The following SYNPO2 variants were observed in gnomAD, a reference collection of about 807,000 sequenced individuals.
SYNPO2 encodes the protein synaptopodin-2.
SYNPO2 carries 56 observed loss-of-function variants against 85.0 expected under a neutral mutation model. The observed-to-expected ratio is 0.66, with a 90% confidence interval of 0.53 to 0.82. The LOEUF is 0.82. Ranked by LOEUF, SYNPO2 falls within the 40% of genes least tolerant of loss-of-function variation. SYNPO2 has a pLI of 0.00. For synonymous variants in SYNPO2, 602 were observed against 591.1 expected (o/e 1.02, Z -0.27); for missense variants, 1,575 against 1,534.2 (o/e 1.03, Z -0.44).
intron 3 of SYNPO2, 29 bp downstream of exon 3, chr4:119,027,467 G>C: frequency 6.6e-7 from 1 of 1,521,290 alleles, no homozygotes; most frequent in Non-Finnish European, 8.8e-7. Flanking sequence ...TTCAGAAGGG[G>C]CTTGGGAGTT....
Position 119,030,971 on chromosome 4 carries a change from A to T in SYNPO2, c.2196A>T (p.Glu732Asp), listed in dbSNP as rs763005134. ...GAGCTGGAGGTGATTCCGGACCGGAAGAAGACTACCTCAGCTTGGGGGCAG... is the reference window on the plus strand; with the variant it reads ...GAGCTGGAGGTGATTCCGGACCGGATGAAGACTACCTCAGCTTGGGGGCAG... ...GTGAGGDSGP[E>D]EDYLSLGAEA... Residue 732 changes from glutamate to aspartate, a missense_variant, in exon 4 of 5, where the codon GAA becomes GAT. Glu to Asp is a conservative substitution (Grantham distance 45, BLOSUM62 2). Coordinates refer to ENST00000307142, the MANE Select transcript of SYNPO2 (RefSeq NM_133477.3). 7.4e-6 allele frequency: 12 copies of T among 1,614,086 alleles called. No individual in the cohort carries two copies. Among genetic ancestry groups the T allele is most frequent in the Non-Finnish European group, 1.0e-5 (12 of 1,180,036 alleles).
rs758744888 is a variant in SYNPO2 at position 119,030,463 on chromosome 4, A to G, written c.1688A>G (p.His563Arg). 7.4e-6 allele frequency: 12 copies of G among 1,614,188 alleles called. No homozygotes were observed. In the African/African-American group the frequency reaches 1.1e-4, roughly 14 times the overall value. Residue 563 changes from histidine to arginine, a missense_variant, in exon 4 of 5, where the codon CAT becomes CGT. His to Arg is a conservative substitution (Grantham distance 29). This residue lies in a region of SYNPO2 where 1,508 missense variants were observed against 1,446.8 expected (regional missense o/e 1.04). Coordinates refer to ENST00000307142, the MANE Select transcript of SYNPO2 (RefSeq NM_133477.3). The stretch of plus-strand genomic sequence containing the variant: ...ATCGAGGTGAGTCATGGTCTTGGCC[A>G]TGTTCCCCAACAGAATGGCTTCAGT... ...SYIEVSHGLGHVPQQNGFSGT... is the reference protein window; with the variant it reads ...SYIEVSHGLGRVPQQNGFSGT...
At chr4:118,989,137 G>A (rs1049490079) in intron 1 of SYNPO2, among the ~76,000 whole-genome samples, 1 of 152,220 alleles carries the variant, frequency 6.6e-6, no homozygotes, top group African/African-American at 2.4e-5. Flanking sequence ...CAGGGCAGTT[G>A]ACTTGGGAAA....
In SYNPO2 at chr4:119,059,020, A is replaced by C. The variant is rs2149203394; in HGVS notation, c.*1086A>C. 6.6e-6 allele frequency: 1 copy of C among 152,326 alleles called. No individual in the cohort carries two copies. The highest frequency in any genetic ancestry group is 1.5e-5 in the Non-Finnish European group (1 of 68,026). 9.4% of individuals were successfully genotyped at this position (152,326 alleles called of 1,614,324 possible). On this transcript the variant is annotated 3_prime_UTR_variant, in exon 5 of 5. Coordinates refer to ENST00000307142, the MANE Select transcript of SYNPO2 (RefSeq NM_133477.3). ...AGAAGATTGGATTATCTAATCTTTT[A>C]GATCCTTAACAACTCTGATATTCTG...
intron 1 of SYNPO2, among the ~76,000 whole-genome samples, chr4:118,974,238 A>G (rs1735643334): frequency 6.6e-6 from 1 of 152,362 alleles, no homozygotes; most frequent in Non-Finnish European, 1.5e-5. Context: ...GGGATGAGAT[A>G]GAAAATCTCA....
intron 1 of SYNPO2, among the ~76,000 whole-genome samples, chr4:118,999,216 A>ATGCC (rs1469931468): frequency 6.6e-6 from 1 of 152,110 alleles, no homozygotes; most frequent in Non-Finnish European, 1.5e-5. Context: ...TGGCACCACC[A>ATGCC]TGGCTCACCG....
chr4:119,038,189 T>G lies in SYNPO2; in HGVS notation c.3252+6162T>G, dbSNP rs896314177. 2.5e-5 allele frequency: 25 copies of G among 985,302 alleles called. No homozygotes were observed. The Admixed American group carries it at 4.9e-4, about 19-fold the overall frequency. The allele number at this position is 985,302 out of a possible 1,614,324, so 61.0% of individuals were successfully genotyped here. A position where few individuals can be genotyped will look rare whatever the true frequency, so the allele number is the denominator to read the frequency against. On this transcript the variant is annotated intron_variant, in intron 4 of 4. Coordinates refer to ENST00000307142, the MANE Select transcript of SYNPO2 (RefSeq NM_133477.3). ...AATTTCACTCCCTGAGACTGCTTAATTGTGAATTTCCCAAACTGATTCACC... is the reference window on the plus strand; with the variant it reads ...AATTTCACTCCCTGAGACTGCTTAAGTGTGAATTTCCCAAACTGATTCACC...
At chr4:119,037,015 T>C (rs2149194912) in intron 4 of SYNPO2, 1 of 1,368,422 alleles carries the variant, frequency 7.3e-7, no homozygotes. Flanking sequence ...ATTTTTCTAA[T>C]TTTTATTTTT....
chr4:118,920,156 G>A (rs1054841054), intron 1 of SYNPO2, among the ~76,000 whole-genome samples: 12 of 152,154 alleles, frequency 7.9e-5, no homozygotes, highest in Non-Finnish European at 2.9e-5. Context: ...AGGCAATGAA[G>A]GAGAAAGAGG....
intron 1 of SYNPO2, among the ~76,000 whole-genome samples, chr4:118,851,941 A>G (rs1364932034): frequency 6.6e-6 from 1 of 152,204 alleles, no homozygotes; most frequent in Non-Finnish European, 1.5e-5. Flanking sequence ...ACCAAAACTC[A>G]GCAAGAGTTT....
intron 1 of SYNPO2, among the ~76,000 whole-genome samples, chr4:118,856,650 A>G (rs1396600745): frequency 6.6e-6 from 1 of 151,990 alleles, no homozygotes; most frequent in African/African-American, 2.4e-5. Context: ...AGTAGCTGGG[A>G]CCACAGGCAC....
At chr4:119,042,047 T>C (rs1320959143) in intron 4 of SYNPO2, 1 of 152,002 alleles carries the variant, frequency 6.6e-6, no homozygotes, top group African/African-American at 2.4e-5. Context: ...GCCAGACTTG[T>C]AAACTGCACC....
intron 1 of SYNPO2, among the ~76,000 whole-genome samples, chr4:118,921,118 G>A (rs895619000): frequency 6.6e-6 from 1 of 152,030 alleles, no homozygotes; most frequent in African/African-American, 2.4e-5. Context: ...TGTTGTCCAG[G>A]CTGGTCTTGA....
intron 1 of SYNPO2, among the ~76,000 whole-genome samples, chr4:118,949,850 G>T (rs1469498187): frequency 6.6e-6 from 1 of 152,064 alleles, no homozygotes; most frequent in African/African-American, 2.4e-5. Context: ...TCATTACCCT[G>T]CACTTTTTTT....
chr4:118,889,846 T>C lies in SYNPO2; in HGVS notation c.105+705T>C, dbSNP rs1732304285. On this transcript the variant is annotated intron_variant, in intron 1 of 4. Transcript: ENST00000307142. ...TAATAACTATTTAAAATGCTTTAAG[T>C]TTTTATTGCCATTAGATTGCCTGCA... Among the ~76,000 whole-genome samples, 4 of 152,328 alleles carry C rather than the reference T, an allele frequency of 2.6e-5. No homozygotes were observed. The South Asian group carries it at 8.3e-4, about 32-fold the overall frequency.
intron 1 of SYNPO2, among the ~76,000 whole-genome samples, chr4:118,878,869 C>T (rs575640090): frequency 1.1e-3 from 172 of 152,294 alleles, no homozygotes; most frequent in South Asian, 1.5e-3. Context: ...CACTCAGGTC[C>T]TTTTCTGTCT....
At chr4:118,960,830 C>T (rs1004754745) in intron 1 of SYNPO2, among the ~76,000 whole-genome samples, 7 of 152,134 alleles carry the variant, frequency 4.6e-5, no homozygotes, top group African/African-American at 1.4e-4. Context: ...TTCTTTCCTT[C>T]TTCTTACCAC....
chr4:118,935,177 A>C lies in SYNPO2; in HGVS notation c.105+46036A>C, dbSNP rs545445589. ...CCATGATACGGACATAGAGACTCCC[A>C]GTGAGGCCACTGGGAAGTAGTTTAT... On this transcript the variant is annotated intron_variant, in intron 1 of 4. Coordinates refer to ENST00000307142, the MANE Select transcript of SYNPO2 (RefSeq NM_133477.3). 1.2e-3 allele frequency among the ~76,000 whole-genome samples: 188 copies of C among 152,254 alleles called. 1 individual carries two copies. Among genetic ancestry groups the C allele is most frequent in the African/African-American group, 4.3e-3 (179 of 41,538 alleles).
intron 1 of SYNPO2, among the ~76,000 whole-genome samples, chr4:118,878,940 C>G (rs1303879198): frequency 6.6e-6 from 1 of 152,148 alleles, no homozygotes; most frequent in Non-Finnish European, 1.5e-5. Context: ...GTTTTTGGGT[C>G]CGCACTACCT....
Sources: gnomAD v4.1 joint callset for allele counts (sites outside exome capture counted in the v4.1 genomes callset) on GRCh38, gnomAD v4.1.1 for gene constraint, gnomAD v4.1.1 regional missense constraint, MANE v1.5 for transcripts, NCBI Gene and HGNC (gene_info 2026-07-23, HGNC 2026-07-21) for gene names.